The following ZNF521 variants were observed in gnomAD, a reference collection of about 807,000 sequenced individuals.
ZNF521 encodes zinc finger protein 521.
Under a neutral mutation model 105.5 loss-of-function variants are expected in ZNF521, and 14 were observed. That is an observed-to-expected ratio of 0.13 (90% CI 0.09 to 0.21). The LOEUF (loss-of-function observed/expected upper bound fraction) is 0.21, where lower values mean the gene tolerates loss of function less well. Ranked by LOEUF, ZNF521 falls within the 10% of genes least tolerant of loss-of-function variation. ZNF521 has a pLI of 1.00. For synonymous variants in ZNF521, 635 were observed against 606.0 expected, an observed-to-expected ratio of 1.05 and a Z score of -0.70; for missense variants, 1,233 against 1,629.7, an observed-to-expected ratio of 0.76 and a Z score of 4.19.
chr18:25,282,562 C>T (rs151118924), intron 3 of ZNF521, among the ~76,000 whole-genome samples: 3 of 151,984 alleles, frequency 2.0e-5, no homozygotes, highest in East Asian at 1.9e-4. Context: ...ATGGAGGGGG[C>T]GGTGCATGGT....
intron 5 of ZNF521, among the ~76,000 whole-genome samples, chr18:25,120,747 CT>C (rs1279694763): frequency 6.6e-6 from 1 of 152,084 alleles, no homozygotes; most frequent in Non-Finnish European, 1.5e-5. Context: ...TTTTCCTTTT[CT>C]TATTCTTATT....
At chr18:25,088,354 T>C (rs923563386) in intron 7 of ZNF521, among the ~76,000 whole-genome samples, 3 of 151,808 alleles carry the variant, frequency 2.0e-5, no homozygotes, top group Admixed American at 6.6e-5. Flanking sequence ...TAGCTGGGAC[T>C]ACAGCCGCCC....
rs142047358 is a variant in ZNF521, at chr18:25,225,633, C to T, written c.2285G>A (p.Arg762His). The T allele has an allele frequency of 1.8e-5, 29 of 1,614,014 alleles. No individual in the cohort carries two copies. Among genetic ancestry groups the T allele is most frequent in the Non-Finnish European group, 1.9e-5 (23 of 1,180,026 alleles). The change falls in exon 4 of 8, where the codon CGC (arginine) becomes CAC (histidine). Residue 762 changes from arginine to histidine, a missense_variant. Arg to His is a conservative substitution (Grantham distance 29, BLOSUM62 0). This residue lies in a region of ZNF521 where 614 missense variants were observed against 751.5 expected (regional missense o/e 0.82). Transcript: ENST00000361524. This position sits in a 1 kb window ranked among gnomAD's most constrained non-coding sequence, Gnocchi z 5.6. ...ATGGAGCTGCAAGTCAGTTTCGTTG[C>T]GGAAGTCCCAGTTGCAAGATGTGCA... Reference protein sequence around the residue: ...YRCTSCNWDFRNETDLQLHVK... With the variant: ...YRCTSCNWDFHNETDLQLHVK...
At chr18:25,121,454 T>C (rs1009257592) in intron 5 of ZNF521, among the ~76,000 whole-genome samples, 3 of 152,004 alleles carry the variant, frequency 2.0e-5, no homozygotes, top group Non-Finnish European at 4.4e-5. Flanking sequence ...GGTTTCACCA[T>C]GTTGGCCAGG....
intron 3 of ZNF521, among the ~76,000 whole-genome samples, chr18:25,240,593 A>T (rs370806336): frequency 6.6e-6 from 1 of 152,154 alleles, no homozygotes; most frequent in East Asian, 1.9e-4. Flanking sequence ...ATCATCACAC[A>T]ATCTGCTAGA....
chr18:25,263,547 G>A (rs1005722453), intron 3 of ZNF521, among the ~76,000 whole-genome samples: 7 of 151,374 alleles, frequency 4.6e-5, no homozygotes, highest in African/African-American at 9.7e-5. Context: ...TAGTAGAGAC[G>A]GAGCTTCACC....
chr18:25,119,886 T>C (rs551639087), intron 5 of ZNF521, among the ~76,000 whole-genome samples: 252 of 151,886 alleles, frequency 1.7e-3, no homozygotes, highest in Non-Finnish European at 2.7e-3. Context: ...AATAAGAAAA[T>C]TGATCATTTG....
chr18:25,264,870 G>A lies in ZNF521; in HGVS notation c.221-37173C>T, dbSNP rs2144911050. ...TTCAGGAAGGAGGAGAGGAAAATGT[G>A]GACACCATGAAAAGGAAAAGAATAC... On this transcript the variant is annotated intron_variant, in intron 3 of 7. Transcript: ENST00000361524. Among the ~76,000 whole-genome samples, 2 of 152,054 alleles carry A rather than the reference G, an allele frequency of 1.3e-5. 1 individual carries two copies. The highest frequency in any genetic ancestry group is 4.2e-4 in the South Asian group (2 of 4,800).
intron 2 of ZNF521, among the ~76,000 whole-genome samples, chr18:25,330,196 A>T (rs1181739041): frequency 2.0e-5 from 3 of 151,072 alleles, no homozygotes; most frequent in Non-Finnish European, 2.9e-5. Flanking sequence ...ACAGAGTCTC[A>T]CTCTGTCGCC....
At chr18:25,193,811 T>C (rs1226357568) in intron 5 of ZNF521, among the ~76,000 whole-genome samples, 1 of 151,948 alleles carries the variant, frequency 6.6e-6, no homozygotes, top group Non-Finnish European at 1.5e-5. Context: ...ATAATATTAA[T>C]ACTTAAATCT....
intron 3 of ZNF521, among the ~76,000 whole-genome samples, chr18:25,320,623 G>A (rs976026592): frequency 6.6e-6 from 1 of 152,278 alleles, no homozygotes; most frequent in Non-Finnish European, 1.5e-5. Flanking sequence ...ATAGGAGAGG[G>A]AAGAAGAGAA....
At chr18:25,270,179 C>G (rs1369924764) in intron 3 of ZNF521, among the ~76,000 whole-genome samples, 1 of 152,142 alleles carries the variant, frequency 6.6e-6, no homozygotes, top group African/African-American at 2.4e-5. Context: ...ACTGGAAAAT[C>G]TAGAAGAAAT....
chr18:25,285,551 T>C (rs1192957608), intron 3 of ZNF521, among the ~76,000 whole-genome samples: 16 of 152,186 alleles, frequency 1.1e-4, no homozygotes, highest in Admixed American at 1.0e-3. Context: ...GTTTTATACA[T>C]TACCCGAGGA....
chr18:25,305,612 G>T (rs1260048796), intron 3 of ZNF521, among the ~76,000 whole-genome samples: 1 of 152,070 alleles, frequency 6.6e-6, no homozygotes, highest in Non-Finnish European at 1.5e-5. Context: ...AAAATGTAAT[G>T]AATGCAATTA....
At position 25,225,072 on chromosome 18, in the gene ZNF521, A is replaced by T. The variant is rs1478410975; in HGVS notation, c.2846T>A (p.Met949Lys). The change falls in exon 4 of 8, where the codon ATG becomes AAG. Residue 949 changes from methionine (M) to lysine (K), a missense_variant. This residue lies in a region of ZNF521 where 614 missense variants were observed against 751.5 expected (regional missense o/e 0.82). Coordinates refer to ENST00000361524, the MANE Select transcript of ZNF521 (RefSeq NM_015461.3). This position sits in a 1 kb window ranked among gnomAD's most constrained non-coding sequence, Gnocchi z 5.6. ...TTTGACAGGGCCTAGGTGGGTCTGC[A>T]TATGTTCCCGGAGGCCATTTTCGGA... The part of the protein sequence containing the change: ...FFSENGLREH[M>K]QTHLGPVKHY... 1 of 1,614,038 alleles carries T rather than the reference A, an allele frequency of 6.2e-7. No homozygotes were observed. Among genetic ancestry groups the T allele is most frequent in the African/African-American group, 1.3e-5 (1 of 74,922 alleles).
At chr18:25,316,403 T>C (rs1263770403) in intron 3 of ZNF521, among the ~76,000 whole-genome samples, 3 of 122,430 alleles carry the variant, frequency 2.5e-5, no homozygotes, top group East Asian at 5.5e-4. Flanking sequence ...ATACCTTCCT[T>C]TGCTAAATCC....
intron 2 of ZNF521, among the ~76,000 whole-genome samples, chr18:25,331,201 C>T (rs58316784): frequency 0.4 from 60,287 of 151,830 alleles, 12,815 homozygotes; most frequent in East Asian, 0.65. Flanking sequence ...AATCTTAAAC[C>T]GAGCCTCAAG....
intron 5 of ZNF521, among the ~76,000 whole-genome samples, chr18:25,097,552 G>C (rs755276509): frequency 6.6e-6 from 1 of 152,112 alleles, no homozygotes; most frequent in Non-Finnish European, 1.5e-5. Context: ...ATATGGGAGT[G>C]TCTGGCACTG....
Position 25,195,211 on chromosome 18 carries a change from C to T in ZNF521, c.3607G>A (p.Val1203Ile), listed in dbSNP as rs2035882482. Residue 1203 changes from valine to isoleucine, a missense_variant, in exon 5 of 8, where the codon GTT becomes ATT. Coordinates refer to ENST00000361524, the MANE Select transcript of ZNF521 (RefSeq NM_015461.3). Reference protein sequence around the residue: ...KTYQCIKCQMVFYNEWDIQVH... With the variant: ...KTYQCIKCQMIFYNEWDIQVH... Reference sequence around the variant, plus strand: ...TGAATATCCCATTCATTGTAGAAAACCATCTGACACTTGATGCATTGATAG... The same window carrying T: ...TGAATATCCCATTCATTGTAGAAAATCATCTGACACTTGATGCATTGATAG... 1 of 1,599,176 alleles carries T rather than the reference C, an allele frequency of 6.3e-7. No individual in the cohort carries two copies. The highest frequency in any genetic ancestry group is 1.4e-5 in the African/African-American group (1 of 73,526).
Sources: allele counts gnomAD v4.1 joint callset (sites outside exome capture counted in the v4.1 genomes callset), GRCh38; gene constraint gnomAD v4.1.1; regional missense constraint gnomAD v4.1.1; non-coding constraint Gnocchi (gnomAD v3.1); transcripts MANE v1.5; gene names NCBI Gene and HGNC (gene_info 2026-07-23, HGNC 2026-07-21).